The following NOPCHAP1 variants were observed in gnomAD, a reference collection of about 807,000 sequenced individuals.
NOPCHAP1 encodes DNA damage-sensitive RNA 1.
NOPCHAP1 carries 13 observed loss-of-function variants against 14.0 expected under a neutral mutation model. That is an observed-to-expected ratio of 0.93 (90% CI 0.60 to 1.47). NOPCHAP1 has a LOEUF of 1.47. Among genes scored for constraint, NOPCHAP1 ranks in the 40% most tolerant of loss-of-function variants. NOPCHAP1 has a pLI of 0.00. For synonymous variants in NOPCHAP1, 78 were observed against 78.4 expected, an observed-to-expected ratio of 1.00 and a Z score of 0.03; for missense variants, 230 against 226.9, an observed-to-expected ratio of 1.01 and a Z score of -0.09.
Position 104,998,022 on chromosome 12 carries a change from G to A in NOPCHAP1, c.*3326G>A, listed in dbSNP as rs1186802422. On this transcript the variant is annotated 3_prime_UTR_variant, in exon 4 of 4. Transcript: ENST00000552951. ...GTGATTGCATTATGCAATTCTTGTA[G>A]TGTGTTTTTCAGCTCTGTCAGATCG... 1 of 152,202 alleles carries A rather than the reference G, an allele frequency of 6.6e-6. No homozygotes were observed. The highest frequency in any genetic ancestry group is 1.5e-5 in the Non-Finnish European group (1 of 68,042). The allele number at this position is 152,202 out of a possible 1,614,324, so 9.4% of individuals were successfully genotyped here.
Position 105,009,705 on chromosome 12 carries a change from G to A in NOPCHAP1, c.*15009G>A, listed in dbSNP as rs561569501. ...TTGAATTTTATCAAAGGCCTTTTCT[G>A]TATCTATTGAAATAATCATGTGCTT... On this transcript the variant is annotated 3_prime_UTR_variant, in exon 4 of 4. Coordinates refer to ENST00000552951, the MANE Select transcript of NOPCHAP1 (RefSeq NM_152318.3). 2.0e-5 allele frequency: 3 copies of A among 152,270 alleles called. No individual in the cohort carries two copies. The highest frequency in any genetic ancestry group is 6.5e-5 in the Admixed American group (1 of 15,294). 9.4% of individuals were successfully genotyped at this position (152,270 alleles called of 1,614,324 possible). A position where few individuals can be genotyped will look rare whatever the true frequency, so the allele number is the denominator to read the frequency against.
rs1279257134 is a variant in NOPCHAP1, at chr12:104,986,367, C to A, written c.15C>A (p.Gly5=). ...TTGAGGGAAGCATGGAGGTCCATGG[C>A]AAGCCCAAGGCTAGCCCGAGTTGTT... is the stretch of plus-strand genomic sequence containing the variant. MEVH[G]KPKASPSCSS... is the part of the protein sequence containing the mutation. The change falls in exon 1 of 4, where the codon GGC becomes GGA. Residue 5 remains glycine (G), a synonymous_variant. Transcript: ENST00000552951. 3 of 1,609,812 alleles carry A rather than the reference C, an allele frequency of 1.9e-6. No homozygotes were observed. Among genetic ancestry groups the A allele is most frequent in the Non-Finnish European group, 8.5e-7 (1 of 1,178,214 alleles).
rs1873644021 is a variant in NOPCHAP1, at chr12:105,003,212, GT to G, written c.*8518del. The G allele has an allele frequency of 6.6e-6, 1 of 152,134 alleles. No homozygotes were observed. The allele number at this position is 152,134 out of a possible 1,614,324, so 9.4% of individuals were successfully genotyped here. On this transcript the variant is annotated 3_prime_UTR_variant, in exon 4 of 4. Transcript: ENST00000552951. ...CTTGCAAGTGAACAAGTTTATGTAG[GT>G]TAAAACTTTCCCACTGTGGGCCACT...
Position 104,995,976 on chromosome 12 carries a change from C to T in NOPCHAP1, c.*1280C>T, listed in dbSNP as rs553671137. The T allele has an allele frequency of 6.6e-6, 1 of 152,272 alleles. No individual in the cohort carries two copies. Among genetic ancestry groups the T allele is most frequent in the South Asian group, 2.1e-4 (1 of 4,820 alleles). The allele number at this position is 152,272 out of a possible 1,614,324, so 9.4% of individuals were successfully genotyped here. A position where few individuals can be genotyped will look rare whatever the true frequency, so the allele number is the denominator to read the frequency against. Reference sequence around the variant, plus strand: ...GTGTTGGGATTACAGGCATGAGCCACCGTGCCCGGCTGGAAACTAGCTTAT... The same window carrying T: ...GTGTTGGGATTACAGGCATGAGCCATCGTGCCCGGCTGGAAACTAGCTTAT... On this transcript the variant is annotated 3_prime_UTR_variant, in exon 4 of 4. Coordinates refer to ENST00000552951, the MANE Select transcript of NOPCHAP1 (RefSeq NM_152318.3).
chr12:104,992,116 GC>G (rs1218212872), intron 3 of NOPCHAP1, among the ~76,000 whole-genome samples: 1 of 152,030 alleles, frequency 6.6e-6, no homozygotes, highest in Non-Finnish European at 1.5e-5. Flanking sequence ...TTCTGTCCAA[GC>G]CCCAAAAGAG....
Position 105,008,290 on chromosome 12 carries a change from G to C in NOPCHAP1, c.*13594G>C, listed in dbSNP as rs1873746571. ...GTTGGCCGCATAAATGTCTTCTTTTGAGAAGTGTCTGTTCGTATCCTTCGC... is the reference window on the plus strand; with the variant it reads ...GTTGGCCGCATAAATGTCTTCTTTTCAGAAGTGTCTGTTCGTATCCTTCGC... On this transcript the variant is annotated 3_prime_UTR_variant, in exon 4 of 4. Transcript: ENST00000552951. 6.6e-6 allele frequency: 1 copy of C among 152,202 alleles called. No individual in the cohort carries two copies. The highest frequency in any genetic ancestry group is 6.5e-5 in the Admixed American group (1 of 15,284). The allele number at this position is 152,202 out of a possible 1,614,324, so 9.4% of individuals were successfully genotyped here. A position where few individuals can be genotyped will look rare whatever the true frequency, so the allele number is the denominator to read the frequency against.
intron 1 of NOPCHAP1, among the ~76,000 whole-genome samples, chr12:104,987,224 C>T (rs1873260063): frequency 6.6e-6 from 1 of 152,190 alleles, no homozygotes; most frequent in African/African-American, 2.4e-5. Context: ...ATAACCAAAG[C>T]TTATGTAGTC....
rs996031455 is a variant in NOPCHAP1 at position 104,994,756 on chromosome 12, ATG to A, written c.*63_*64del. The A allele has an allele frequency of 6.9e-6, 10 of 1,441,146 alleles. No homozygotes were observed. Among genetic ancestry groups the A allele is most frequent in the African/African-American group, 1.4e-5 (1 of 70,122 alleles). The allele number at this position is 1,441,146 out of a possible 1,614,324, so 89.3% of individuals were successfully genotyped here. ...ATGTCTGCAAATTCTGTGAAAAAGA[ATG>A]TGATTCACGGGTTCTTTTGCTTTTC... is the stretch of plus-strand genomic sequence containing the variant. On this transcript the variant is annotated 3_prime_UTR_variant, in exon 4 of 4. Transcript: ENST00000552951.
intron 2 of NOPCHAP1, among the ~76,000 whole-genome samples, 175 bp from the exon 3 acceptor site, chr12:104,991,537 G>A (rs529253778): frequency 2.0e-5 from 3 of 152,318 alleles, no homozygotes; most frequent in South Asian, 4.1e-4. Context: ...TTGCTGGATT[G>A]TGTAGTCCTA....
rs538985960 is a variant in NOPCHAP1 at position 105,015,933 on chromosome 12, T to C, written c.*21237T>C. The C allele has an allele frequency of 5.3e-5, 8 of 151,294 alleles. No homozygotes were observed. The highest frequency in any genetic ancestry group is 1.9e-4 in the African/African-American group (8 of 41,288). 9.4% of individuals were successfully genotyped at this position (151,294 alleles called of 1,614,324 possible). ...GATTTAAATGTAAAAAAAGAAATTA[T>C]AAGAGTTCCATACCGAAATGCAGGT... On this transcript the variant is annotated 3_prime_UTR_variant, in exon 4 of 4. Transcript: ENST00000552951.
chr12:104,986,992 T>C (rs1167056333), intron 1 of NOPCHAP1, among the ~76,000 whole-genome samples: 3 of 152,110 alleles, frequency 2.0e-5, no homozygotes, highest in African/African-American at 7.2e-5. Context: ...AAAGCACGAG[T>C]TCGAATCCCA....
rs1343957437 is a variant in NOPCHAP1, at chr12:105,006,300, C to A, written c.*11604C>A. On this transcript the variant is annotated 3_prime_UTR_variant, in exon 4 of 4. Coordinates refer to ENST00000552951, the MANE Select transcript of NOPCHAP1 (RefSeq NM_152318.3). The stretch of plus-strand genomic sequence containing the variant: ...ATGATGTTCTATCAGTGTTCTCTTG[C>A]ATAGCTTTGAAAATTTTTTCCATAG... 1 of 152,092 alleles carries A rather than the reference C, an allele frequency of 6.6e-6. No homozygotes were observed. Among genetic ancestry groups the A allele is most frequent in the Non-Finnish European group, 1.5e-5 (1 of 68,016 alleles). 9.4% of individuals were successfully genotyped at this position (152,092 alleles called of 1,614,324 possible).
chr12:104,991,326 C>T (rs1187729008), intron 2 of NOPCHAP1, among the ~76,000 whole-genome samples: 1 of 152,206 alleles, frequency 6.6e-6, no homozygotes, highest in East Asian at 1.9e-4. Context: ...ACTTAATTAA[C>T]TGGCCCAAGG....
rs559505586 is a variant in NOPCHAP1 at position 104,987,360 on chromosome 12, T to C, written c.116-807T>C. ...GATTTATCATACAGGTAATTTACCTTCTGGAGATCATGTGGCTAGAAAGTA... is the reference window on the plus strand; with the variant it reads ...GATTTATCATACAGGTAATTTACCTCCTGGAGATCATGTGGCTAGAAAGTA... On this transcript the variant is annotated intron_variant, in intron 1 of 3. Coordinates refer to ENST00000552951, the MANE Select transcript of NOPCHAP1 (RefSeq NM_152318.3). Among the ~76,000 whole-genome samples the C allele has an allele frequency of 2.0e-5, 3 of 152,326 alleles. No homozygotes were observed. In the South Asian group the frequency reaches 6.2e-4, roughly 32 times the overall value.
In NOPCHAP1 at chr12:104,998,134, A is replaced by T. The variant is rs1259314311; in HGVS notation, c.*3438A>T. On this transcript the variant is annotated 3_prime_UTR_variant, in exon 4 of 4. Transcript: ENST00000552951. ...CCTTAGATTCCACGGATTGGGTTTG[A>T]CTTTATCCTGTATGTTGATGATCTT... 6.6e-6 allele frequency: 1 copy of T among 151,954 alleles called. No homozygotes were observed. Among genetic ancestry groups the T allele is most frequent in the African/African-American group, 2.4e-5 (1 of 41,328 alleles). 9.4% of individuals were successfully genotyped at this position (151,954 alleles called of 1,614,324 possible).
chr12:104,987,585 G>A (rs1258005797), intron 1 of NOPCHAP1, among the ~76,000 whole-genome samples: 1 of 152,144 alleles, frequency 6.6e-6, no homozygotes, highest in African/African-American at 2.4e-5. Flanking sequence ...CTTGAGTTTT[G>A]TACGTTCCCC....
rs1010588382 is a variant in NOPCHAP1 at position 105,006,110 on chromosome 12, T to A, written c.*11414T>A. 6.6e-6 allele frequency: 1 copy of A among 152,244 alleles called. No homozygotes were observed. The highest frequency in any genetic ancestry group is 2.4e-5 in the African/African-American group (1 of 41,474). 9.4% of individuals were successfully genotyped at this position (152,244 alleles called of 1,614,324 possible). ...CTTTTTTGCCACATTCACAATCTCT[T>A]TCATGATTTCCTTGATTGGCTCTGT... On this transcript the variant is annotated 3_prime_UTR_variant, in exon 4 of 4. Transcript: ENST00000552951.
At position 104,996,603 on chromosome 12, in the gene NOPCHAP1, G is replaced by A. The variant is rs1873506701; in HGVS notation, c.*1907G>A. On this transcript the variant is annotated 3_prime_UTR_variant, in exon 4 of 4. Transcript: ENST00000552951. ...CTCAACGTTTAGCTCCCACTAATAA[G>A]TGAGAACATGTGGTATTTTTCTGTT... 1.3e-5 allele frequency: 2 copies of A among 152,190 alleles called. No individual in the cohort carries two copies. Among genetic ancestry groups the A allele is most frequent in the African/African-American group, 4.8e-5 (2 of 41,434 alleles). The allele number at this position is 152,190 out of a possible 1,614,324, so 9.4% of individuals were successfully genotyped here.
rs567752404 is a variant in NOPCHAP1 at position 105,009,784 on chromosome 12, T to C, written c.*15088T>C. The C allele has an allele frequency of 5.9e-4, 90 of 152,358 alleles. No individual in the cohort carries two copies. The highest frequency in any genetic ancestry group is 6.8e-3 in the Middle Eastern group (2 of 294). The allele number at this position is 152,358 out of a possible 1,614,324, so 9.4% of individuals were successfully genotyped here. On this transcript the variant is annotated 3_prime_UTR_variant, in exon 4 of 4. Transcript: ENST00000552951. ...ATTATGTTTATTGATTTGTGTATGT[T>C]GAACCAGCCTTGCATCCCAGGGATG...
Sources: allele counts gnomAD v4.1 joint callset (sites outside exome capture counted in the v4.1 genomes callset), GRCh38; gene constraint gnomAD v4.1.1; transcripts MANE v1.5; gene names NCBI Gene and HGNC (gene_info 2026-07-23, HGNC 2026-07-21).